The following MGST1 variants were observed in gnomAD, a reference collection of about 807,000 sequenced individuals.
MGST1 encodes microsomal glutathione S-transferase 1.
Under a neutral mutation model 8.9 loss-of-function variants are expected in MGST1, and 5 were observed. That is an observed-to-expected ratio of 0.56 (90% CI 0.29 to 1.19). MGST1 has a LOEUF of 1.19. MGST1 is among the 50% of genes most tolerant of loss of function. The pLI, the probability that MGST1 is intolerant of heterozygous loss-of-function variation, is 0.08. For missense variants in MGST1, 182 were observed against 187.4 expected (o/e 0.97, Z 0.17); for synonymous variants, 54 against 67.8 (o/e 0.80, Z 1.00).
rs944724354 is a variant in MGST1 at position 16,503,278 on chromosome 12, G to A, written n.483-86250G>A. On this transcript the variant is annotated intron_variant and non_coding_transcript_variant, in intron 4 of 4. Transcript: ENST00000538857. The surrounding 1 kb of genome is among the most constrained non-coding windows in gnomAD (Gnocchi z 4.8). ...AAGGGAAGGAAAATAAGACAGAACG[G>A]GTGGTCAAATAGCATTTTTTTCTAC... Among the ~76,000 whole-genome samples the A allele has an allele frequency of 6.6e-6, 1 of 152,054 alleles. No individual in the cohort carries two copies. The highest frequency in any genetic ancestry group is 1.5e-5 in the Non-Finnish European group (1 of 68,012).
At chr12:16,522,085 C>A (rs1210511920) in intron 4 of MGST1, among the ~76,000 whole-genome samples, 6 of 152,144 alleles carry the variant, frequency 3.9e-5, no homozygotes, top group Admixed American at 1.3e-4. Context: ...GCGCTTCATG[C>A]TGAAATGTCT....
At chr12:16,366,328 CAGG>C, downstream of MGST1, among the ~76,000 whole-genome samples, 1 of 152,132 alleles carries the variant, frequency 6.6e-6, no homozygotes, top group Admixed American at 6.5e-5. This position sits in a 1 kb window ranked among gnomAD's most constrained non-coding sequence, Gnocchi z 4.0. Context: ...GCTTTAGATA[CAGG>C]GGGATTTATT....
chr12:16,534,671 G>A (rs1007053368), intron 4 of MGST1, among the ~76,000 whole-genome samples: 1 of 152,050 alleles, frequency 6.6e-6, no homozygotes, highest in Non-Finnish European at 1.5e-5. Flanking sequence ...AATGGGCTTT[G>A]GGTTTTTATT....
At chr12:16,488,868 AGAGGCT>A (rs1442517458) in intron 4 of MGST1, among the ~76,000 whole-genome samples, 1 of 152,056 alleles carries the variant, frequency 6.6e-6, no homozygotes, top group Non-Finnish European at 1.5e-5. Flanking sequence ...AGCTGCTCCA[AGAGGCT>A]GAGGCAGCAG....
At chr12:16,399,352 A>C in intron 1 of MGST1, 1 of 1,553,362 alleles carries the variant, frequency 6.4e-7, no homozygotes, top group South Asian at 1.1e-5. Context: ...CCATGGCCCA[A>C]ACTGTGCACA....
At chr12:16,392,605 C>G (rs1167803384) in intron 1 of MGST1, among the ~76,000 whole-genome samples, 1 of 152,140 alleles carries the variant, frequency 6.6e-6, no homozygotes, top group Non-Finnish European at 1.5e-5. Context: ...CAGTCCTTCA[C>G]TTTTGTTCCA....
In MGST1 at chr12:16,560,679, G is replaced by A. The variant is rs973567147; in HGVS notation, n.483-28849G>A. ...TACACAAGTGGATTTTATCCTAGGT[G>A]TATGCATAAATATTCTTCTGCAATA... On this transcript the variant is annotated intron_variant and non_coding_transcript_variant, in intron 4 of 4. Transcript: ENST00000538857. The surrounding 1 kb of genome is among the most constrained non-coding windows in gnomAD (Gnocchi z 5.0). 6 of 714,522 alleles carry A rather than the reference G, an allele frequency of 8.4e-6. No individual in the cohort carries two copies. Among genetic ancestry groups the A allele is most frequent in the Admixed American group, 2.6e-5 (1 of 39,100 alleles). The allele number at this position is 714,522 out of a possible 1,614,324, so 44.3% of individuals were successfully genotyped here. A position where few individuals can be genotyped will look rare whatever the true frequency, so the allele number is the denominator to read the frequency against.
intron 3 of MGST1, chr12:16,376,015 T>A (rs2137031673): frequency 1.4e-6 from 1 of 720,806 alleles, no homozygotes; most frequent in South Asian, 3.4e-5. Context: ...CACCTATATG[T>A]ACACACACAG....
At chr12:16,501,277 G>A (rs770927576) in intron 4 of MGST1, among the ~76,000 whole-genome samples, 1 of 152,024 alleles carries the variant, frequency 6.6e-6, no homozygotes, top group Non-Finnish European at 1.5e-5. Flanking sequence ...ATTAAATTGG[G>A]CATAATTCAC....
chr12:16,480,882 A>G (rs1941360125), intron 4 of MGST1, among the ~76,000 whole-genome samples: 1 of 152,228 alleles, frequency 6.6e-6, no homozygotes, highest in Non-Finnish European at 1.5e-5. Context: ...ATTCTGGGCA[A>G]CATAGCCAGA....
Position 16,357,682 on chromosome 12 carries a change from A to T in MGST1, c.204A>T (p.Arg68Ser), listed in dbSNP as rs544194131. The T allele has an allele frequency of 5.0e-6, 8 of 1,613,766 alleles. No individual in the cohort carries two copies. In the South Asian group the frequency reaches 8.8e-5, roughly 18 times the overall value. Residue 68 changes from arginine to serine, a missense_variant, in exon 3 of 4, where the codon AGA becomes AGT. Physicochemically the swap from Arg to Ser is moderately radical, Grantham distance 110 (BLOSUM62 -1). Coordinates refer to ENST00000396210, the MANE Select transcript of MGST1 (RefSeq NM_020300.5). ...AGAAGTATCTTCGAACAGATGACAG[A>T]GTAGAACGTGTACGCAGGTAAACCA... is the stretch of plus-strand genomic sequence containing the variant. ...NAKKYLRTDD[R>S]VERVRRAHLN...
In MGST1 at chr12:16,479,593, A is replaced by C. The variant is rs79688445; in HGVS notation, n.482+95989A>C. 9.5e-3 allele frequency among the ~76,000 whole-genome samples: 1,338 copies of C among 141,388 alleles called. 68 individuals are homozygous for C. The East Asian group carries it at 0.17, about 18-fold the overall frequency. The allele number at this position is 141,388 out of a possible 152,430, so 92.8% of individuals were successfully genotyped here. On this transcript the variant is annotated intron_variant and non_coding_transcript_variant, in intron 4 of 4. Transcript: ENST00000538857. ...CTGTGGCCCATGCTGGAGTAAGGTG[A>C]CACACTCATGGCTCACTGCAGCCTC... is the stretch of plus-strand genomic sequence containing the variant.
At chr12:16,528,118 G>C (rs937666436) in intron 4 of MGST1, among the ~76,000 whole-genome samples, 8 of 152,030 alleles carry the variant, frequency 5.3e-5, no homozygotes, top group Admixed American at 6.6e-5. Context: ...CTAGCCAGAT[G>C]ATGAATTAAC....
In MGST1 at chr12:16,354,275, T is replaced by C. The variant is rs1396323632; in HGVS notation, c.23T>C (p.Met8Thr). The change falls in exon 2 of 4, where the codon ATG becomes ACG. Residue 8 changes from methionine (M) to threonine (T), a missense_variant. Physicochemically the swap from Met to Thr is moderately conservative, Grantham distance 81. Transcript: ENST00000396210. ...AAAATGGTTGACCTCACCCAGGTAA[T>C]GGATGATGAAGTATTCATGGCTTTT... MVDLTQV[M>T]DDEVFMAFAS... The C allele has an allele frequency of 1.2e-6, 2 of 1,602,850 alleles. No homozygotes were observed. Among genetic ancestry groups the C allele is most frequent in the Non-Finnish European group, 1.7e-6 (2 of 1,176,786 alleles).
At chr12:16,439,120 A>G (rs546326077), downstream of MGST1, among the ~76,000 whole-genome samples, 21 of 151,918 alleles carry the variant, frequency 1.4e-4, no homozygotes, top group African/African-American at 4.3e-4. Flanking sequence ...ATGTAAAAAA[A>G]AAAAAGCCAG....
chr12:16,524,648 A>G (rs1941670673), intron 4 of MGST1, among the ~76,000 whole-genome samples: 1 of 152,066 alleles, frequency 6.6e-6, no homozygotes, highest in Admixed American at 6.6e-5. Context: ...TAAAATAGTA[A>G]TGGTCACTTT....
chr12:16,503,938 C>T lies in MGST1; in HGVS notation n.483-85590C>T, dbSNP rs556508551. On this transcript the variant is annotated intron_variant and non_coding_transcript_variant, in intron 4 of 4. Coordinates refer to the MGST1 transcript ENST00000538857. This position sits in a 1 kb window ranked among gnomAD's most constrained non-coding sequence, Gnocchi z 4.8. Reference sequence around the variant, plus strand: ...CCTGCTCTGCAAGGCACAGTACCTCCGGTGCTGCTGTATGCTGCTGCCCTA... The same window carrying T: ...CCTGCTCTGCAAGGCACAGTACCTCTGGTGCTGCTGTATGCTGCTGCCCTA... 3.8e-4 allele frequency among the ~76,000 whole-genome samples: 58 copies of T among 152,308 alleles called. 1 individual carries two copies. The South Asian group carries it at 0.011, about 28-fold the overall frequency.
Position 16,410,854 on chromosome 12 carries a change from A to AT in MGST1, n.779-26528dup, listed in dbSNP as rs1565449066. 6.6e-6 allele frequency among the ~76,000 whole-genome samples: 1 copy of AT among 151,542 alleles called. No individual in the cohort carries two copies. Among genetic ancestry groups the AT allele is most frequent in the Non-Finnish European group, 1.5e-5 (1 of 67,900 alleles). On this transcript the variant is annotated intron_variant and non_coding_transcript_variant, in intron 1 of 1. Coordinates refer to the MGST1 transcript ENST00000359720. This position sits in a 1 kb window ranked among gnomAD's most constrained non-coding sequence, Gnocchi z 4.4. ...ACATATAACTATTTGGTTTGACTCC[A>AT]TTTTTTCCCAAGATGTTCCAGAATC...
chr12:16,415,775 A>G (rs1341032981), intron 1 of MGST1, among the ~76,000 whole-genome samples: 1 of 152,142 alleles, frequency 6.6e-6, no homozygotes, highest in East Asian at 1.9e-4. Flanking sequence ...AACTGTGTGT[A>G]TGTGGAGGGT....
Sources: gnomAD v4.1 joint callset for allele counts (sites outside exome capture counted in the v4.1 genomes callset) on GRCh38, gnomAD v4.1.1 for gene constraint, Gnocchi (gnomAD v3.1) non-coding constraint, MANE v1.5 for transcripts, NCBI Gene and HGNC (gene_info 2026-07-23, HGNC 2026-07-21) for gene names.